PCDHGB7: variants seen among roughly 807,000 people sequenced by gnomAD.
PCDHGB7 encodes protocadherin gamma-B7.
A neutral mutation model predicts 61.4 loss-of-function variants in PCDHGB7; 37 were observed. That is an observed-to-expected ratio of 0.60 (90% CI 0.46 to 0.79). The LOEUF is 0.79. PCDHGB7 is among the 30% of genes least tolerant of loss of function. The pLI is 0.00. For missense variants in PCDHGB7, 1,166 were observed against 1,202.5 expected, an observed-to-expected ratio of 0.97 and a Z score of 0.45; for synonymous variants, 464 against 503.5, an observed-to-expected ratio of 0.92 and a Z score of 1.05.
intron 1 of PCDHGB7, among the ~76,000 whole-genome samples, chr5:141,437,983 A>G (rs544812394): frequency 4.6e-5 from 7 of 151,938 alleles, no homozygotes; most frequent in Admixed American, 2.6e-4. Context: ...GGATGCACCC[A>G]CCCCACCTCA....
intron 3 of PCDHGB7, among the ~76,000 whole-genome samples, chr5:141,506,923 C>G: frequency 6.6e-6 from 1 of 152,184 alleles, no homozygotes; most frequent in African/African-American, 2.4e-5. Flanking sequence ...ACATACTAAA[C>G]AAACTTTAGG....
chr5:141,456,043 G>A (rs62379189), intron 1 of PCDHGB7, among the ~76,000 whole-genome samples: 6,917 of 151,746 alleles, frequency 0.046, 202 homozygotes, highest in Middle Eastern at 0.086. Flanking sequence ...GACTACAGGC[G>A]CCCACCACCA....
intron 1 of PCDHGB7, among the ~76,000 whole-genome samples, chr5:141,450,829 A>ATTATTT (rs1554136902): frequency 7.4e-6 from 1 of 135,144 alleles, no homozygotes; most frequent in Admixed American, 7.6e-5. Context: ...TATTATTATT[A>ATTATTT]TTTTTTTTTT....
intron 1 of PCDHGB7, among the ~76,000 whole-genome samples, chr5:141,470,598 G>A (rs2099234276): frequency 6.6e-6 from 1 of 152,184 alleles, no homozygotes; most frequent in Admixed American, 6.5e-5. Flanking sequence ...GGCGACCTGT[G>A]CGGGGACACA....
chr5:141,487,143 C>T lies in PCDHGB7; in HGVS notation c.2416-7664C>T. Reference sequence around the variant, plus strand: ...GATAGTGGTAGTCCACCACTCTCTACCTCTGTTACTCTCTTAGTGTCCTTA... The same window carrying T: ...GATAGTGGTAGTCCACCACTCTCTATCTCTGTTACTCTCTTAGTGTCCTTA... On this transcript the variant is annotated intron_variant, in intron 1 of 3. Coordinates refer to ENST00000398594, the MANE Select transcript of PCDHGB7 (RefSeq NM_018927.4). This position sits in a 1 kb window ranked among gnomAD's most constrained non-coding sequence, Gnocchi z 5.0. 1.2e-6 allele frequency: 2 copies of T among 1,614,028 alleles called. No homozygotes were observed. Among genetic ancestry groups the T allele is most frequent in the Non-Finnish European group, 1.7e-6 (2 of 1,179,862 alleles).
At position 141,511,241 on chromosome 5, in the gene PCDHGB7, C is replaced by G; in HGVS notation, c.*68C>G. ...CCAGCCCAGCTTCTCCTTACCTGCA[C>G]CCAGGCCTCAGAGTTTCAGGGCTAA... On this transcript the variant is annotated 3_prime_UTR_variant, in exon 4 of 4. Transcript: ENST00000398594. 1 of 1,585,214 alleles carries G rather than the reference C, an allele frequency of 6.3e-7. No individual in the cohort carries two copies. The highest frequency in any genetic ancestry group is 1.1e-5 in the South Asian group (1 of 87,760).
chr5:141,490,132 A>G lies in PCDHGB7; in HGVS notation c.2416-4675A>G, dbSNP rs1245562757. The G allele has an allele frequency of 3.7e-6, 6 of 1,614,102 alleles. No homozygotes were observed. In the African/African-American group the frequency reaches 4.0e-5, roughly 11 times the overall value. ...GCGGAACCTCTTTGGCCTAGACCCTAGCAGTGGGGCAATCCATGTGTTGGG... is the reference window on the plus strand; with the variant it reads ...GCGGAACCTCTTTGGCCTAGACCCTGGCAGTGGGGCAATCCATGTGTTGGG... On this transcript the variant is annotated intron_variant, in intron 1 of 3. Coordinates refer to ENST00000398594, the MANE Select transcript of PCDHGB7 (RefSeq NM_018927.4). The surrounding 1 kb of genome is among the most constrained non-coding windows in gnomAD (Gnocchi z 5.4).
At chr5:141,421,564 G>C in intron 1 of PCDHGB7, 1 of 1,613,982 alleles carries the variant, frequency 6.2e-7, no homozygotes, top group Non-Finnish European at 8.5e-7. Context: ...TCTCGTGGAA[G>C]ACACCTTGAA....
chr5:141,427,896 C>G, intron 1 of PCDHGB7: 1 of 1,570,508 alleles, frequency 6.4e-7, no homozygotes, highest in East Asian at 2.2e-5. Context: ...CCAGGGCTCG[C>G]CCGCGCTCAG....
At position 141,486,873 on chromosome 5, in the gene PCDHGB7, G is replaced by A. The variant is rs769661146; in HGVS notation, c.2416-7934G>A. On this transcript the variant is annotated intron_variant, in intron 1 of 3. Transcript: ENST00000398594. This position sits in a 1 kb window ranked among gnomAD's most constrained non-coding sequence, Gnocchi z 5.0. ...AATGACAATGCTCCAGCTGTGCTCCGTCCTCGGGCCCGGCCTGGTTCCTTA... is the reference window on the plus strand; with the variant it reads ...AATGACAATGCTCCAGCTGTGCTCCATCCTCGGGCCCGGCCTGGTTCCTTA... 1.6e-5 allele frequency: 26 copies of A among 1,614,082 alleles called. No individual in the cohort carries two copies. Among genetic ancestry groups the A allele is most frequent in the African/African-American group, 4.0e-5 (3 of 74,922 alleles).
chr5:141,478,726 G>A, intron 1 of PCDHGB7: 2 of 1,540,996 alleles, frequency 1.3e-6, no homozygotes, highest in Non-Finnish European at 1.8e-6. Context: ...GCCTGCCAGA[G>A]TGTGGTTTGT....
At chr5:141,495,153 T>G (rs2154591630) in intron 2 of PCDHGB7, among the ~76,000 whole-genome samples, 1 of 152,290 alleles carries the variant, frequency 6.6e-6, no homozygotes, top group East Asian at 1.9e-4. Flanking sequence ...AGGATGGTCT[T>G]AAGCTGGTCT....
At position 141,511,036 on chromosome 5, in the gene PCDHGB7, G is replaced by A. The variant is rs116366286; in HGVS notation, c.2653G>A (p.Val885Met). ...CGGACCCCAGTTCACCCTGCAGCAC[G>A]TGCCCGACTACCGCCAGAATGTCTA... is the stretch of plus-strand genomic sequence containing the variant. ...RYGPQFTLQH[V>M]PDYRQNVYIP... is the part of the protein sequence containing the mutation. Residue 885 changes from valine to methionine, a missense_variant, in exon 4 of 4, where the codon GTG becomes ATG. Physicochemically the swap from Val to Met is conservative, Grantham distance 21. Transcript: ENST00000398594. 5.5e-5 allele frequency: 89 copies of A among 1,614,198 alleles called. No individual in the cohort carries two copies. The highest frequency in any genetic ancestry group is 1.6e-4 in the Middle Eastern group (1 of 6,062).
chr5:141,466,297 A>G (rs1206472131), intron 1 of PCDHGB7, among the ~76,000 whole-genome samples: 3 of 152,146 alleles, frequency 2.0e-5, no homozygotes, highest in East Asian at 1.9e-4. Flanking sequence ...CAGGCTCCCA[A>G]GTAGCTGGGA....
intron 2 of PCDHGB7, among the ~76,000 whole-genome samples, chr5:141,502,654 C>T (rs1424933188): frequency 6.6e-6 from 1 of 152,230 alleles, no homozygotes; most frequent in South Asian, 2.1e-4. Context: ...TAGGCAGCAA[C>T]CCTTCATGCA....
At position 141,432,950 on chromosome 5, in the gene PCDHGB7, G is replaced by A. The variant is rs750033444; in HGVS notation, c.2415+12676G>A. 9.9e-6 allele frequency: 16 copies of A among 1,614,190 alleles called. No individual in the cohort carries two copies. The highest frequency in any genetic ancestry group is 1.3e-5 in the African/African-American group (1 of 75,060). ...ACGCCTGCTGCAGGCTTCAGGAGGC[G>A]GCTTGACAGGAGCGCCGGCGTCGCA... is the stretch of plus-strand genomic sequence containing the variant. On this transcript the variant is annotated intron_variant, in intron 1 of 3. Coordinates refer to ENST00000398594, the MANE Select transcript of PCDHGB7 (RefSeq NM_018927.4). This position sits in a 1 kb window ranked among gnomAD's most constrained non-coding sequence, Gnocchi z 6.0.
Position 141,486,912 on chromosome 5 carries a change from T to C in PCDHGB7, c.2416-7895T>C. The stretch of plus-strand genomic sequence containing the variant: ...CCTGGTTCCTTATGTCCCCAAGCAC[T>C]GCCTCCATCAGTTGGTGCTGGCCAC... On this transcript the variant is annotated intron_variant, in intron 1 of 3. Coordinates refer to ENST00000398594, the MANE Select transcript of PCDHGB7 (RefSeq NM_018927.4). This position sits in a 1 kb window ranked among gnomAD's most constrained non-coding sequence, Gnocchi z 5.0. The C allele has an allele frequency of 1.2e-6, 2 of 1,614,246 alleles. No homozygotes were observed. Among genetic ancestry groups the C allele is most frequent in the Non-Finnish European group, 1.7e-6 (2 of 1,180,040 alleles).
intron 1 of PCDHGB7, among the ~76,000 whole-genome samples, chr5:141,483,302 C>G (rs1262756268): frequency 2.0e-5 from 3 of 152,012 alleles, no homozygotes; most frequent in Admixed American, 6.5e-5. Context: ...AGTGAAGGGA[C>G]TGGGGACATT....
Position 141,431,485 on chromosome 5 carries a change from T to G in PCDHGB7, c.2415+11211T>G. 2 of 1,613,924 alleles carry G rather than the reference T, an allele frequency of 1.2e-6. No individual in the cohort carries two copies. Among genetic ancestry groups the G allele is most frequent in the Non-Finnish European group, 1.7e-6 (2 of 1,179,990 alleles). ...ATGCGAACGACAACGCACCAGCGTTTGCTCAGCCCGAGTACCGCGCGAGCG... is the reference window on the plus strand; with the variant it reads ...ATGCGAACGACAACGCACCAGCGTTGGCTCAGCCCGAGTACCGCGCGAGCG... On this transcript the variant is annotated intron_variant, in intron 1 of 3. Coordinates refer to ENST00000398594, the MANE Select transcript of PCDHGB7 (RefSeq NM_018927.4). This position sits in a 1 kb window ranked among gnomAD's most constrained non-coding sequence, Gnocchi z 4.8.
Sources: allele counts gnomAD v4.1 joint callset (sites outside exome capture counted in the v4.1 genomes callset), GRCh38; gene constraint gnomAD v4.1.1; non-coding constraint Gnocchi (gnomAD v3.1); transcripts MANE v1.5; gene names NCBI Gene and HGNC (gene_info 2026-07-23, HGNC 2026-07-21).